LIFR: variants seen among roughly 807,000 people sequenced by gnomAD.
LIFR encodes the protein leukemia inhibitory factor receptor.
Under a neutral mutation model 122.2 loss-of-function variants are expected in LIFR, and 84 were observed. That is an observed-to-expected ratio of 0.69 (90% confidence interval 0.58 to 0.82). The LOEUF (loss-of-function observed/expected upper bound fraction) is 0.82, where lower values mean the gene tolerates loss of function less well. Among genes scored for constraint, LIFR ranks in the 40% least tolerant of loss-of-function variants. LIFR has a pLI of 0.00. For missense variants in LIFR, 1,294 were observed against 1,311.6 expected (o/e 0.99, Z 0.21); for synonymous variants, 422 against 434.7 (o/e 0.97, Z 0.36).
Position 38,510,616 on chromosome 5 carries a change from G to C in LIFR, c.839C>G (p.Ala280Gly), listed in dbSNP as rs763718507. The C allele has an allele frequency of 1.2e-6, 2 of 1,614,014 alleles. No individual in the cohort carries two copies. The highest frequency in any genetic ancestry group is 3.3e-5 in the Admixed American group (2 of 60,020). The change falls in exon 7 of 20, where the codon GCA becomes GGA. Residue 280 changes from alanine to glycine, a missense_variant. Transcript: ENST00000453190. ...CCVSQEKVLS[A>G]LIGHTNCPLI... ...GGGGCAGTTTGTATGGCCAATCAGTGCTGATAACACTTTTTCTTGACTCAC... is the reference window on the plus strand; with the variant it reads ...GGGGCAGTTTGTATGGCCAATCAGTCCTGATAACACTTTTTCTTGACTCAC...
intron 1 of LIFR, among the ~76,000 whole-genome samples, chr5:38,584,733 A>G (rs1217657180): frequency 6.6e-6 from 1 of 152,186 alleles, no homozygotes; most frequent in African/African-American, 2.4e-5. Context: ...GATGTAGGTC[A>G]AAGGATAAAA....
Position 38,586,190 on chromosome 5 carries a change from C to T in LIFR, c.-20+9071G>A, listed in dbSNP as rs77525851. Among the ~76,000 whole-genome samples the T allele has an allele frequency of 5.5e-3, 838 of 152,158 alleles. 5 individuals are homozygous for T. The highest frequency in any genetic ancestry group is 0.014 in the Middle Eastern group (4 of 294). ...TGTCACCCGGGTGTCAATGAAAAGC[C>T]CCCATTTTAAAACATCGGCTCTGAC... On this transcript the variant is annotated intron_variant, in intron 1 of 19. Coordinates refer to the LIFR transcript ENST00000263409.
intron 1 of LIFR, among the ~76,000 whole-genome samples, chr5:38,539,932 G>A (rs765446680): frequency 2.6e-5 from 4 of 151,928 alleles, no homozygotes; most frequent in Admixed American, 6.6e-5. Context: ...CTATAAGGTC[G>A]GTATTATTCA....
upstream of LIFR, among the ~76,000 whole-genome samples, chr5:38,595,695 G>A (rs1750075992): frequency 6.9e-6 from 1 of 144,166 alleles, no homozygotes; most frequent in Non-Finnish European, 1.5e-5. Context: ...TAACCTTCTA[G>A]TATTAGAGTA....
chr5:38,563,238 A>G (rs939434526), intron 1 of LIFR, among the ~76,000 whole-genome samples: 58 of 152,292 alleles, frequency 3.8e-4, no homozygotes, highest in African/African-American at 1.4e-3. Flanking sequence ...TACCCTAATC[A>G]ATGTAGTATC....
rs1190865734 is a variant in LIFR, at chr5:38,527,356, T to A, written c.258-62A>T. The A allele has an allele frequency of 7.9e-6, 9 of 1,141,384 alleles. No homozygotes were observed. The African/African-American group carries it at 1.2e-4, about 16-fold the overall frequency. The allele number at this position is 1,141,384 out of a possible 1,614,324, so 70.7% of individuals were successfully genotyped here. On this transcript the variant is annotated intron_variant, in intron 3 of 19. Transcript: ENST00000453190. The stretch of plus-strand genomic sequence containing the variant: ...ATTAATAGTATAATTTTCATAAAAA[T>A]TTGGTTAACACAAAATACAATGGAA...
chr5:38,489,381 A>G, intron 15 of LIFR, 136 bp from the exon 16 acceptor site: 1 of 771,122 alleles, frequency 1.3e-6, no homozygotes, highest in Non-Finnish European at 2.2e-6. Flanking sequence ...ACTTTCAGAG[A>G]GAGATGATCA....
rs746423934 is a variant in LIFR, at chr5:38,502,724, A to G, written c.1513T>C (p.Tyr505His). The G allele has an allele frequency of 6.2e-7, 1 of 1,610,942 alleles. No homozygotes were observed. The change falls in exon 11 of 20, where the codon TAT becomes CAT. Residue 505 changes from tyrosine (Y) to histidine (H), a missense_variant. Transcript: ENST00000453190. ...GTAGAACAACGAATCCGAAAAGTAT[A>G]TAGAGTGTATGGATTTAACTTGTCC... ...ALDKLNPYTL[Y>H]TFRIRCSTET... is the part of the protein sequence containing the mutation.
In LIFR at chr5:38,489,147, A is replaced by AAAT. The variant is rs754082838; in HGVS notation, c.2265_2266insATT (p.Phe755_Leu756insIle). On this transcript the variant is annotated inframe_insertion, in exon 16 of 20. Transcript: ENST00000453190. ...CCAAAGTAAAACAAATATCCTCTTA[A>AAAT]AAAGCCTCTAAGTTCTTCCACAGGA... 5.6e-6 allele frequency: 9 copies of AAAT among 1,612,784 alleles called. No homozygotes were observed. In the Admixed American group the frequency reaches 1.3e-4, roughly 24 times the overall value.
intron 15 of LIFR, among the ~76,000 whole-genome samples, chr5:38,489,772 C>T (rs886792583): frequency 6.7e-6 from 1 of 149,792 alleles, no homozygotes; most frequent in African/African-American, 2.5e-5. Flanking sequence ...GTGGGAGGAT[C>T]GTTTGAGCCC....
intron 13 of LIFR, among the ~76,000 whole-genome samples, chr5:38,495,337 A>G (rs1744821144): frequency 6.6e-6 from 1 of 152,194 alleles, no homozygotes; most frequent in Admixed American, 6.5e-5. Flanking sequence ...GGATGTTCAC[A>G]TCTCTGTCTC....
At chr5:38,544,939 G>C (rs977700124) in intron 1 of LIFR, among the ~76,000 whole-genome samples, 3 of 152,194 alleles carry the variant, frequency 2.0e-5, no homozygotes, top group African/African-American at 7.2e-5. Flanking sequence ...CTAGTGTGCA[G>C]TTATGCACCA....
At chr5:38,586,757 A>G (rs1749764087) in intron 1 of LIFR, among the ~76,000 whole-genome samples, 1 of 152,102 alleles carries the variant, frequency 6.6e-6, no homozygotes, top group African/African-American at 2.4e-5. Flanking sequence ...GATCCATCAC[A>G]TCAAAGCCAT....
chr5:38,584,475 G>A (rs74788675), intron 1 of LIFR, among the ~76,000 whole-genome samples: 1,619 of 152,144 alleles, frequency 0.011, 21 homozygotes, highest in African/African-American at 0.036. Flanking sequence ...TAAAGAAAAT[G>A]TGGTATATAT....
chr5:38,564,336 C>T (rs1392283754), intron 1 of LIFR, among the ~76,000 whole-genome samples: 3 of 151,990 alleles, frequency 2.0e-5, no homozygotes, highest in Non-Finnish European at 2.9e-5. Context: ...GATCCTCCCA[C>T]CTCAGCCTCC....
intron 1 of LIFR, among the ~76,000 whole-genome samples, chr5:38,589,558 A>C (rs1440227435): frequency 6.6e-6 from 1 of 152,230 alleles, no homozygotes; most frequent in African/African-American, 2.4e-5. Flanking sequence ...TAGTACCATC[A>C]AATTTAAAAA....
chr5:38,480,917 T>C lies in LIFR; in HGVS notation c.*678A>G, dbSNP rs1021549861. The C allele has an allele frequency of 1.4e-5, 3 of 220,756 alleles. No homozygotes were observed. The highest frequency in any genetic ancestry group is 6.7e-5 in the African/African-American group (3 of 44,686). The allele number at this position is 220,756 out of a possible 1,614,324, so 13.7% of individuals were successfully genotyped here. A position where few individuals can be genotyped will look rare whatever the true frequency, so the allele number is the denominator to read the frequency against. On this transcript the variant is annotated 3_prime_UTR_variant, in exon 20 of 20. Coordinates refer to ENST00000453190, the MANE Select transcript of LIFR (RefSeq NM_001127671.2). ...AACCTATCACAGCAAGAAAACATGA[T>C]TATGATTTGGGCTGGTCAGTGTCAC... is the stretch of plus-strand genomic sequence containing the variant.
At chr5:38,576,161 C>A (rs6451390) in intron 1 of LIFR, among the ~76,000 whole-genome samples, 14,278 of 152,036 alleles carry the variant, frequency 0.094, 2,248 homozygotes, top group African/African-American at 0.33. Flanking sequence ...ATAAAAGAAC[C>A]AAATTTAAAG....
chr5:38,523,207 C>G (rs7727565), intron 5 of LIFR, among the ~76,000 whole-genome samples: 1 of 152,126 alleles, frequency 6.6e-6, no homozygotes, highest in Non-Finnish European at 1.5e-5. Context: ...TATTTCTCCC[C>G]TAATTTCCTA....
Sources: allele counts gnomAD v4.1 joint callset (sites outside exome capture counted in the v4.1 genomes callset), GRCh38; gene constraint gnomAD v4.1.1; transcripts MANE v1.5; gene names NCBI Gene and HGNC (gene_info 2026-07-23, HGNC 2026-07-21).